The following FRG1 variants were observed in gnomAD, a reference collection of about 807,000 sequenced individuals.
FRG1 encodes FSHD region gene 1.
Under a neutral mutation model 37.0 loss-of-function variants are expected in FRG1, and 19 were observed. The observed-to-expected ratio is 0.51, with a 90% CI of 0.36 to 0.75. FRG1 has a LOEUF of 0.75. FRG1 is among the 30% of genes least tolerant of loss of function. The probability of loss-of-function intolerance (pLI) is 0.00; values close to 1 mark genes in which losing one functional copy is unlikely to be tolerated. For synonymous variants in FRG1, 73 were observed against 96.5 expected (o/e 0.76, Z 1.43); for missense variants, 243 against 301.4 (o/e 0.81, Z 1.44).
At chr4:189,944,537 T>G (rs1310437597) in intron 2 of FRG1, among the ~76,000 whole-genome samples, 5 of 152,206 alleles carry the variant, frequency 3.3e-5, no homozygotes, top group African/African-American at 1.2e-4. Flanking sequence ...ATCATAGTTT[T>G]AGTTTTTACA....
chr4:189,941,844 G>T, intron 1 of FRG1: 1 of 440,780 alleles, frequency 2.3e-6, no homozygotes, highest in Non-Finnish European at 4.5e-6. Flanking sequence ...TTTGCCCGAG[G>T]TACATACAAA....
chr4:189,952,900 G>A (rs1736819441), intron 3 of FRG1, among the ~76,000 whole-genome samples, 168 bp from the exon 4 acceptor site: 2 of 152,258 alleles, frequency 1.3e-5, no homozygotes, highest in Non-Finnish European at 2.9e-5. Flanking sequence ...TTAAAAGAAG[G>A]TAAAATAGAT....
chr4:189,947,197 A>G (rs1321314439), intron 2 of FRG1, among the ~76,000 whole-genome samples: 2 of 152,152 alleles, frequency 1.3e-5, no homozygotes, highest in East Asian at 1.9e-4. Context: ...GTGACTATGC[A>G]TATCTTCTGT....
intron 4 of FRG1, among the ~76,000 whole-genome samples, chr4:189,953,672 AT>A (rs1395199152): frequency 1.3e-5 from 2 of 152,078 alleles, no homozygotes; most frequent in African/African-American, 4.8e-5. Flanking sequence ...TATGATAATG[AT>A]TTCTGTTATA....
At chr4:189,947,472 T>G (rs1736580428) in intron 2 of FRG1, among the ~76,000 whole-genome samples, 1 of 152,230 alleles carries the variant, frequency 6.6e-6, no homozygotes, top group African/African-American at 2.4e-5. Flanking sequence ...GGGCCTTTGT[T>G]AGTTTGTGCT....
In FRG1 at chr4:189,953,039, T is replaced by C. The variant is rs566348295; in HGVS notation, c.260-29T>C. 1,117 of 1,537,310 alleles carry C rather than the reference T, an allele frequency of 7.3e-4. 3 individuals carry two copies. The African/African-American group carries it at 0.014, about 19-fold the overall frequency. On this transcript the variant is annotated intron_variant, in intron 3 of 8. Transcript: ENST00000226798. The stretch of plus-strand genomic sequence containing the variant: ...CTTTATATTTATAGCAAATGTCAAA[T>C]TTATTTTCAAATGTTTTTTCTCCAA...
intron 1 of FRG1, among the ~76,000 whole-genome samples, chr4:189,941,312 G>A (rs1253081518): frequency 6.6e-6 from 1 of 152,158 alleles, no homozygotes. Flanking sequence ...CCGTGACCCC[G>A]TACCCACGAG....
chr4:189,950,063 G>C (rs1374751444), intron 2 of FRG1, among the ~76,000 whole-genome samples: 1 of 151,680 alleles, frequency 6.6e-6, no homozygotes, highest in African/African-American at 2.4e-5. Flanking sequence ...TGTTTGTTTT[G>C]ATAATAGCTA....
At chr4:189,952,311 C>T in intron 3 of FRG1, 24 bp downstream of exon 3, 3 of 1,605,204 alleles carry the variant, frequency 1.9e-6, no homozygotes, top group Non-Finnish European at 2.5e-6. Context: ...AGGGAAGAGG[C>T]TGCCACAAGT....
At chr4:189,945,027 A>G (rs1024976834) in intron 2 of FRG1, among the ~76,000 whole-genome samples, 2 of 152,112 alleles carry the variant, frequency 1.3e-5, no homozygotes, top group African/African-American at 4.8e-5. Context: ...AGTATTTTAT[A>G]ATTTTACATT....
In FRG1 at chr4:189,946,861, G is replaced by GT. The variant is rs548666746; in HGVS notation, c.133+3596dup. On this transcript the variant is annotated intron_variant, in intron 2 of 8. Coordinates refer to ENST00000226798, the MANE Select transcript of FRG1 (RefSeq NM_004477.3). ...GGGTTTTTTGTTTGTTTGTTTGTTT[G>GT]TTTTTTTGGAGATGGAGTCTCGCTG... 7.9e-5 allele frequency among the ~76,000 whole-genome samples: 12 copies of GT among 151,638 alleles called. No homozygotes were observed. The South Asian group carries it at 2.5e-3, about 32-fold the overall frequency.
chr4:189,946,993 C>A (rs1209691759), intron 2 of FRG1, among the ~76,000 whole-genome samples: 1 of 152,168 alleles, frequency 6.6e-6, no homozygotes, highest in Non-Finnish European at 1.5e-5. Context: ...ACTGGAATTA[C>A]AGGCACCTGC....
intron 6 of FRG1, among the ~76,000 whole-genome samples, chr4:189,957,896 G>A (rs77627834): frequency 6.6e-6 from 1 of 151,958 alleles, no homozygotes; most frequent in African/African-American, 2.4e-5. Context: ...CCTGCCATGC[G>A]TCTTACTCAC....
At chr4:189,946,200 A>G (rs1481488241) in intron 2 of FRG1, among the ~76,000 whole-genome samples, 1 of 151,878 alleles carries the variant, frequency 6.6e-6, no homozygotes, top group African/African-American at 2.4e-5. Context: ...TAGATCGTTA[A>G]TGATCGTTTA....
chr4:189,951,119 A>G (rs1360587438), intron 2 of FRG1, among the ~76,000 whole-genome samples: 1 of 152,138 alleles, frequency 6.6e-6, no homozygotes, highest in Non-Finnish European at 1.5e-5. Flanking sequence ...CTAGAGTCTA[A>G]TATTTCTATT....
chr4:189,950,316 G>C (rs1312107159), intron 2 of FRG1, among the ~76,000 whole-genome samples: 1 of 152,022 alleles, frequency 6.6e-6, no homozygotes, highest in African/African-American at 2.4e-5. Context: ...CCATTCCCTG[G>C]GTTGCCTTTT....
intron 8 of FRG1, among the ~76,000 whole-genome samples, chr4:189,962,215 C>T (rs1332544097): frequency 6.6e-6 from 1 of 152,014 alleles, no homozygotes; most frequent in Non-Finnish European, 1.5e-5. Context: ...CTATTAGAAC[C>T]AGAGTTAGAA....
chr4:189,961,693 C>G, intron 7 of FRG1, 129 bp from the exon 8 acceptor site: 3 of 530,112 alleles, frequency 5.7e-6, no homozygotes, highest in Non-Finnish European at 9.9e-6. Flanking sequence ...CAGGCATGAG[C>G]CACTGCGCCT....
In FRG1 at chr4:189,940,966, C is replaced by T. The variant is rs1280141595; in HGVS notation, c.-44C>T. On this transcript the variant is annotated 5_prime_UTR_variant, in exon 1 of 9. Transcript: ENST00000226798. ...GTGCTGCCCCGACTCACATACTCGT[C>T]CAGAACCGGCCTCAGCCTCTCCGCG... 2 of 1,553,358 alleles carry T rather than the reference C, an allele frequency of 1.3e-6. No individual in the cohort carries two copies. Among genetic ancestry groups the T allele is most frequent in the African/African-American group, 2.8e-5 (2 of 71,542 alleles).
Sources: gnomAD v4.1 joint callset for allele counts (sites outside exome capture counted in the v4.1 genomes callset) on GRCh38, gnomAD v4.1.1 for gene constraint, MANE v1.5 for transcripts, NCBI Gene and HGNC (gene_info 2026-07-23, HGNC 2026-07-21) for gene names.